The following LIMS1 variants were observed in gnomAD, a reference collection of about 807,000 sequenced individuals.
LIMS1 encodes LIM zinc finger domain containing 1.
In LIMS1, 18 loss-of-function variants were observed where a neutral mutation model predicts 44.1. The ratio of observed to expected loss-of-function variants is 0.41; its 90% CI spans 0.28 to 0.61. The LOEUF is 0.61. Ranked by LOEUF, LIMS1 falls within the 20% of genes least tolerant of loss-of-function variation. The probability of loss-of-function intolerance (pLI) is 0.32; values close to 1 mark genes in which losing one functional copy is unlikely to be tolerated. For missense variants in LIMS1, 201 were observed against 422.0 expected, an observed-to-expected ratio of 0.48 and a Z score of 4.59; for synonymous variants, 93 against 149.1, an observed-to-expected ratio of 0.62 and a Z score of 2.74.
intron 2 of LIMS1, among the ~76,000 whole-genome samples, chr2:108,668,735 A>G (rs1313772748): frequency 6.6e-6 from 1 of 152,206 alleles, no homozygotes; most frequent in East Asian, 1.9e-4. Flanking sequence ...CCCAGTAGTG[A>G]GATTGCTGGA....
intron 1 of LIMS1, among the ~76,000 whole-genome samples, chr2:108,611,155 TTCAC>T (rs907934538): frequency 2.6e-5 from 4 of 152,350 alleles, no homozygotes; most frequent in African/African-American, 9.6e-5. Flanking sequence ...GTTTCAGTTT[TTCAC>T]TCAATTACGT....
intron 1 of LIMS1, among the ~76,000 whole-genome samples, chr2:108,558,832 G>A (rs1381273488): frequency 6.6e-6 from 1 of 151,684 alleles, no homozygotes. Flanking sequence ...CACCACACCT[G>A]GCTAATTTTT....
At chr2:108,600,720 A>C (rs924990474) in intron 1 of LIMS1, among the ~76,000 whole-genome samples, 1 of 152,030 alleles carries the variant, frequency 6.6e-6, no homozygotes, top group African/African-American at 2.4e-5. Context: ...ATTCCGTTCC[A>C]TTGGTCTATA....
rs556753835 is a variant in LIMS1 at position 108,654,676 on chromosome 2, G to C, written c.33-4929G>C. ...CCTCTTATGCCCTCCAGAGTGAAAAGCACGGCATTGTTGATGAAGTCTTGT... is the reference window on the plus strand; with the variant it reads ...CCTCTTATGCCCTCCAGAGTGAAAACCACGGCATTGTTGATGAAGTCTTGT... On this transcript the variant is annotated intron_variant, in intron 1 of 9. Transcript: ENST00000544547. 43 of 217,980 alleles carry C rather than the reference G, an allele frequency of 2.0e-4. No individual in the cohort carries two copies. The East Asian group carries it at 5.2e-3, about 26-fold the overall frequency. The allele number at this position is 217,980 out of a possible 1,614,324, so 13.5% of individuals were successfully genotyped here. A position where few individuals can be genotyped will look rare whatever the true frequency, so the allele number is the denominator to read the frequency against.
intron 1 of LIMS1, among the ~76,000 whole-genome samples, chr2:108,627,005 T>TAA (rs2148886191): frequency 6.6e-6 from 1 of 152,372 alleles, no homozygotes; most frequent in South Asian, 2.1e-4. Context: ...TTTAATCTTT[T>TAA]AAACCGTATT....
At chr2:108,556,393 C>T (rs1004210735) in intron 1 of LIMS1, among the ~76,000 whole-genome samples, 1 of 152,148 alleles carries the variant, frequency 6.6e-6, no homozygotes, top group Non-Finnish European at 1.5e-5. Flanking sequence ...AGTAATGTCA[C>T]TTATGAACAC....
At chr2:108,587,930 G>C (rs1182681105) in intron 1 of LIMS1, among the ~76,000 whole-genome samples, 1 of 146,202 alleles carries the variant, frequency 6.8e-6, no homozygotes. Flanking sequence ...GGAAGATGTA[G>C]TGTAGAGTAG....
chr2:108,651,173 T>G (rs2438267), intron 1 of LIMS1, among the ~76,000 whole-genome samples: 62,457 of 149,086 alleles, frequency 0.42, 14,801 homozygotes, highest in East Asian at 0.94. Context: ...CTCCTGCTTG[T>G]CTTTAACCCC....
intron 2 of LIMS1, chr2:108,662,144 A>G: frequency 6.2e-7 from 1 of 1,611,364 alleles, no homozygotes. Flanking sequence ...TTTTCCTTAT[A>G]TCCCTGGCTT....
chr2:108,650,525 C>T (rs554100423), intron 1 of LIMS1, among the ~76,000 whole-genome samples: 1 of 151,830 alleles, frequency 6.6e-6, no homozygotes, highest in East Asian at 2.0e-4. Context: ...TCAGGCGATT[C>T]TCCTGCCTCA....
intron 2 of LIMS1, among the ~76,000 whole-genome samples, chr2:108,664,170 AC>A (rs1211755014): frequency 3.9e-5 from 6 of 152,208 alleles, no homozygotes; most frequent in Non-Finnish European, 8.8e-5. Context: ...GACCCTTCCA[AC>A]CAGCACATCT....
chr2:108,588,660 A>T, intron 1 of LIMS1: 1 of 932,662 alleles, frequency 1.1e-6, no homozygotes, highest in Non-Finnish European at 1.3e-6. Context: ...TGTTTTCCTT[A>T]TGACCTACCT....
chr2:108,670,391 C>T (rs530171751), intron 2 of LIMS1, among the ~76,000 whole-genome samples: 2 of 151,410 alleles, frequency 1.3e-5, no homozygotes, highest in African/African-American at 4.8e-5. Flanking sequence ...GTGAGAATTA[C>T]AGATATCGAC....
chr2:108,537,902 C>G (rs934152093), intron 1 of LIMS1, among the ~76,000 whole-genome samples: 2 of 152,164 alleles, frequency 1.3e-5, no homozygotes, highest in Non-Finnish European at 2.9e-5. Flanking sequence ...AGATCAGTAA[C>G]AGGAGAGCCG....
intron 1 of LIMS1, among the ~76,000 whole-genome samples, chr2:108,536,132 A>C (rs62148156): frequency 6.6e-6 from 1 of 152,194 alleles, no homozygotes; most frequent in Admixed American, 6.5e-5. Flanking sequence ...AAGACCTTCA[A>C]ACCTCTCTGG....
chr2:108,541,678 C>T (rs1684321196), intron 1 of LIMS1, among the ~76,000 whole-genome samples: 2 of 152,198 alleles, frequency 1.3e-5, no homozygotes, highest in Non-Finnish European at 2.9e-5. Context: ...GTCTCTCTAA[C>T]CCACTGCCTT....
chr2:108,542,854 T>C (rs537754220), intron 1 of LIMS1, among the ~76,000 whole-genome samples: 1 of 152,352 alleles, frequency 6.6e-6, no homozygotes, highest in East Asian at 1.9e-4. Context: ...TCCCGGAGAA[T>C]GCATTGGGTA....
chr2:108,670,274 CAGGAG>C (rs1692077655), intron 2 of LIMS1, among the ~76,000 whole-genome samples: 3 of 151,964 alleles, frequency 2.0e-5, no homozygotes, highest in African/African-American at 7.2e-5. Flanking sequence ...TGCTTTGGGC[CAGGAG>C]TCCAAGAACT....
intron 1 of LIMS1, among the ~76,000 whole-genome samples, chr2:108,658,749 C>G (rs1177720688): frequency 6.6e-6 from 1 of 152,308 alleles, no homozygotes; most frequent in Non-Finnish European, 1.5e-5. Context: ...CCAGCCGCAG[C>G]AGTGGTTACT....
Sources: allele counts gnomAD v4.1 joint callset (sites outside exome capture counted in the v4.1 genomes callset), GRCh38; gene constraint gnomAD v4.1.1; transcripts MANE v1.5; gene names NCBI Gene and HGNC (gene_info 2026-07-23, HGNC 2026-07-21).